Variants in HSDL2 observed in about 807,000 individuals in gnomAD.
HSDL2 encodes hydroxysteroid dehydrogenase like 2.
Under a neutral mutation model 46.3 loss-of-function variants are expected in HSDL2, and 27 were observed. The ratio of observed to expected loss-of-function variants is 0.58; its 90% CI spans 0.43 to 0.80. The LOEUF is 0.80. Among genes scored for constraint, HSDL2 ranks in the 30% least tolerant of loss-of-function variants. The probability of loss-of-function intolerance (pLI) is 0.00; values close to 1 mark genes in which losing one functional copy is unlikely to be tolerated. For synonymous variants in HSDL2, 153 were observed against 163.6 expected, an observed-to-expected ratio of 0.94 and a Z score of 0.50; for missense variants, 451 against 502.7, an observed-to-expected ratio of 0.90 and a Z score of 0.98.
At chr9:112,450,536 C>T (rs10981411) in intron 8 of HSDL2, among the ~76,000 whole-genome samples, 37,818 of 146,970 alleles carry the variant, frequency 0.26, 4,932 homozygotes, top group Middle Eastern at 0.38. Context: ...GGCTGAGGCA[C>T]AAGAATCGCT....
At chr9:112,464,629 G>A (rs573074876) in intron 10 of HSDL2, among the ~76,000 whole-genome samples, 1 of 152,200 alleles carries the variant, frequency 6.6e-6, no homozygotes, top group Non-Finnish European at 1.5e-5. Context: ...GGGATTTTTT[G>A]TAGGAATATT....
At position 112,466,483 on chromosome 9, in the gene HSDL2, G is replaced by A. The variant is rs190920226; in HGVS notation, c.1145-3949G>A. On this transcript the variant is annotated intron_variant, in intron 10 of 10. Coordinates refer to ENST00000398805, the MANE Select transcript of HSDL2 (RefSeq NM_032303.5). ...CAGGAGAATCGCTTGAACCCAGGAG[G>A]CGGAGGCTGCAGTGAGCCAAGATCA... Among the ~76,000 whole-genome samples the A allele has an allele frequency of 2.6e-3, 390 of 151,528 alleles. 4 individuals are homozygous for A. Among genetic ancestry groups the A allele is most frequent in the Middle Eastern group, 0.014 (4 of 294 alleles).
At chr9:112,448,492 ATTCT>A (rs1355694027) in intron 8 of HSDL2, among the ~76,000 whole-genome samples, 15 of 151,552 alleles carry the variant, frequency 9.9e-5, no homozygotes, top group African/African-American at 3.6e-4. Flanking sequence ...TACTTTTTCT[ATTCT>A]TTCTTTCACC....
intron 1 of HSDL2, among the ~76,000 whole-genome samples, chr9:112,389,684 A>C (rs1008793065): frequency 6.6e-6 from 1 of 152,192 alleles, no homozygotes; most frequent in Non-Finnish European, 1.5e-5. Context: ...AAAAATGTCA[A>C]TTCTTTCCAC....
At chr9:112,430,298 A>T (rs373991336) in intron 6 of HSDL2, among the ~76,000 whole-genome samples, 1 of 152,194 alleles carries the variant, frequency 6.6e-6, no homozygotes, top group African/African-American at 2.4e-5. Flanking sequence ...GCAGCAGTGG[A>T]TAGGTCCTGT....
intron 10 of HSDL2, among the ~76,000 whole-genome samples, chr9:112,462,454 C>T (rs1172550552): frequency 1.5e-5 from 1 of 68,022 alleles, no homozygotes; most frequent in Non-Finnish European, 2.9e-5. Context: ...CTGACTGAGA[C>T]CCTGTCTCAA....
chr9:112,446,208 C>G (rs1832757177), intron 8 of HSDL2, among the ~76,000 whole-genome samples: 1 of 151,850 alleles, frequency 6.6e-6, no homozygotes, highest in Non-Finnish European at 1.5e-5. Flanking sequence ...GGCTCCCTTC[C>G]CTGTCTATAT....
At chr9:112,421,816 C>G (rs1336557441) in intron 6 of HSDL2, among the ~76,000 whole-genome samples, 1 of 152,182 alleles carries the variant, frequency 6.6e-6, no homozygotes, top group Non-Finnish European at 1.5e-5. Flanking sequence ...CCGTCCCTCC[C>G]TTTCCCCTGA....
At chr9:112,406,909 G>A (rs1283187605) in intron 3 of HSDL2, among the ~76,000 whole-genome samples, 1 of 152,120 alleles carries the variant, frequency 6.6e-6, no homozygotes, top group Non-Finnish European at 1.5e-5. Flanking sequence ...TATTATAGTA[G>A]GGCACCTAGG....
chr9:112,381,096 C>CACACACAA (rs1831081162), intron 1 of HSDL2, among the ~76,000 whole-genome samples: 1 of 139,208 alleles, frequency 7.2e-6, no homozygotes, highest in African/African-American at 2.6e-5. Flanking sequence ...GATACACACA[C>CACACACAA]ACACACACAC....
chr9:112,459,383 G>A (rs1833134340), intron 9 of HSDL2, 66 bp from the exon 10 acceptor site: 1 of 1,507,426 alleles, frequency 6.6e-7, no homozygotes, highest in Non-Finnish European at 9.1e-7. Context: ...TCTAATTGAA[G>A]TAATTATTAA....
chr9:112,418,458 C>A (rs2132642735), intron 5 of HSDL2, among the ~76,000 whole-genome samples: 1 of 151,504 alleles, frequency 6.6e-6, no homozygotes, highest in Non-Finnish European at 1.5e-5. Context: ...TGGCACACAC[C>A]CATAGTCCCA....
chr9:112,392,437 C>G (rs997959856), intron 1 of HSDL2, among the ~76,000 whole-genome samples: 2 of 152,160 alleles, frequency 1.3e-5, no homozygotes, highest in Non-Finnish European at 2.9e-5. Flanking sequence ...TGCAGGAGAC[C>G]AGAGCGTATC....
chr9:112,447,774 G>A (rs1832785325), intron 8 of HSDL2, among the ~76,000 whole-genome samples: 1 of 150,942 alleles, frequency 6.6e-6, no homozygotes, highest in Non-Finnish European at 1.5e-5. Context: ...AGGCTCTGGA[G>A]TCAGACTGCC....
chr9:112,470,345 GATTCTTTTTACA>G, intron 10 of HSDL2, 75 bp from the exon 11 acceptor site: 1 of 738,650 alleles, frequency 1.4e-6, no homozygotes, highest in Non-Finnish European at 2.3e-6. Flanking sequence ...AACTCAAGGA[GATTCTTTTTACA>G]ATGCGTGTTC....
At chr9:112,405,562 G>T in intron 2 of HSDL2, 62 bp from the exon 3 acceptor site, 2 of 1,149,172 alleles carry the variant, frequency 1.7e-6, no homozygotes, top group South Asian at 1.3e-5. Context: ...CTGTGATATT[G>T]GAATTAAAGG....
At chr9:112,407,377 C>G (rs1831754803) in intron 3 of HSDL2, among the ~76,000 whole-genome samples, 1 of 152,104 alleles carries the variant, frequency 6.6e-6, no homozygotes, top group Non-Finnish European at 1.5e-5. Flanking sequence ...GGGGAGAAAG[C>G]TGAAGCTTTT....
intron 8 of HSDL2, among the ~76,000 whole-genome samples, chr9:112,449,080 G>GTTTTTTTTTTTTTTTTTTTT (rs59586435): frequency 3.4e-5 from 4 of 118,952 alleles, no homozygotes; most frequent in Non-Finnish European, 3.5e-5. Flanking sequence ...TCTTTCCTCT[G>GTTTTTTTTTTTTTTTTTTTT]TTTTTTTTTT....
chr9:112,445,381 A>G (rs1415541951), intron 8 of HSDL2, among the ~76,000 whole-genome samples: 3 of 152,106 alleles, frequency 2.0e-5, no homozygotes, highest in African/African-American at 7.2e-5. Context: ...AAGATGTTCT[A>G]TAGCTTAGTT....
Sources: allele counts gnomAD v4.1 joint callset (sites outside exome capture counted in the v4.1 genomes callset), GRCh38; gene constraint gnomAD v4.1.1; transcripts MANE v1.5; gene names NCBI Gene and HGNC (gene_info 2026-07-23, HGNC 2026-07-21).